Variants in CALN1 observed in about 807,000 individuals in gnomAD.
CALN1 encodes calneuron 1.
In CALN1, 17 loss-of-function variants were observed where a neutral mutation model predicts 30.6. The ratio of observed to expected loss-of-function variants is 0.56; its 90% confidence interval spans 0.38 to 0.83. The LOEUF (loss-of-function observed/expected upper bound fraction) is 0.83. CALN1 is among the 40% of genes least tolerant of loss of function. The pLI is 0.00. For missense variants in CALN1, 291 were observed against 354.9 expected (o/e 0.82, Z 1.45); for synonymous variants, 156 against 131.4 (o/e 1.19, Z -1.28).
chr7:71,885,190 C>T (rs750924636), intron 5 of CALN1, among the ~76,000 whole-genome samples: 113 of 152,290 alleles, frequency 7.4e-4, no homozygotes, highest in South Asian at 1.9e-3. Context: ...CTTGCTCTGT[C>T]GCCCAGGCTG....
intron 4 of CALN1, among the ~76,000 whole-genome samples, chr7:72,037,308 C>T (rs999073864): frequency 1.8e-4 from 27 of 152,034 alleles, no homozygotes; most frequent in African/African-American, 6.0e-4. Context: ...CTGCTACCAC[C>T]GCAGCTAATT....
At chr7:72,076,352 A>G (rs1469087929) in intron 4 of CALN1, among the ~76,000 whole-genome samples, 1 of 151,374 alleles carries the variant, frequency 6.6e-6, no homozygotes, top group Non-Finnish European at 1.5e-5. Context: ...TAATCTCAGC[A>G]CTTTGGGAGG....
At chr7:72,139,792 T>C (rs1039622156) in intron 3 of CALN1, among the ~76,000 whole-genome samples, 3 of 152,198 alleles carry the variant, frequency 2.0e-5, no homozygotes, top group African/African-American at 7.2e-5. Flanking sequence ...TGGCTGTATT[T>C]GGAGCAGGCC....
At chr7:72,314,374 CACATATATACACATATAT>C (rs1554365677) in intron 2 of CALN1, among the ~76,000 whole-genome samples, 1 of 39,968 alleles carries the variant, frequency 2.5e-5, no homozygotes, top group South Asian at 1.2e-3. Context: ...TACATATATA[CACATATATACACATATAT>C]ATACACATAT....
rs192990503 is a variant in CALN1 at position 72,369,323 on chromosome 7, T to C, written c.119+33928A>G. 1.3e-3 allele frequency among the ~76,000 whole-genome samples: 175 copies of C among 136,998 alleles called. 1 individual carries two copies. The highest frequency in any genetic ancestry group is 4.2e-3 in the African/African-American group (167 of 39,512). 89.9% of individuals were successfully genotyped at this position (136,998 alleles called of 152,430 possible). ...TTTATATATTTATAAATATTTATAATATATATAATTTATAAATATTATAAA... is the reference window on the plus strand; with the variant it reads ...TTTATATATTTATAAATATTTATAACATATATAATTTATAAATATTATAAA... On this transcript the variant is annotated intron_variant, in intron 2 of 6. Coordinates refer to ENST00000395275, the MANE Select transcript of CALN1 (RefSeq NM_031468.4).
chr7:72,377,912 A>G (rs574140534), intron 2 of CALN1, among the ~76,000 whole-genome samples: 1 of 152,234 alleles, frequency 6.6e-6, no homozygotes, highest in African/African-American at 2.4e-5. Context: ...TCTGGGAATG[A>G]GTGTTAACTT....
intron 3 of CALN1, among the ~76,000 whole-genome samples, chr7:72,240,118 G>A (rs1379658702): frequency 5.9e-5 from 9 of 152,098 alleles, no homozygotes; most frequent in Non-Finnish European, 1.0e-4. Context: ...GAGACTCCAG[G>A]AGTGTGGGGG....
chr7:71,972,011 G>GAAAA, intron 5 of CALN1, among the ~76,000 whole-genome samples: 2 of 135,836 alleles, frequency 1.5e-5, no homozygotes, highest in Non-Finnish European at 1.6e-5. Context: ...AAGAAAAAAA[G>GAAAA]AAAGAAAAGA....
intron 5 of CALN1, among the ~76,000 whole-genome samples, chr7:72,007,100 A>G (rs1393899519): frequency 2.6e-5 from 4 of 152,140 alleles, no homozygotes; most frequent in Non-Finnish European, 5.9e-5. Context: ...CAAATCCCCA[A>G]TTTTTAAAAT....
rs1320355803 is a variant in CALN1 at position 72,156,066 on chromosome 7, T to C, written c.245-49772A>G. ...CATAGAAGGTAACATATTCAGAGGTTCCAAGGTTAGGACATGAACATCTTT... is the reference window on the plus strand; with the variant it reads ...CATAGAAGGTAACATATTCAGAGGTCCCAAGGTTAGGACATGAACATCTTT... On this transcript the variant is annotated intron_variant, in intron 3 of 6. Transcript: ENST00000395275. 2.6e-5 allele frequency among the ~76,000 whole-genome samples: 4 copies of C among 152,140 alleles called. No individual in the cohort carries two copies. In the East Asian group the frequency reaches 7.7e-4, roughly 29 times the overall value.
At chr7:72,501,962 TATATAA>T in the CALN1 span, among the ~76,000 whole-genome samples, 2,096 of 116,020 alleles carry the variant, frequency 0.018, 103 homozygotes, top group Non-Finnish European at 0.024. Flanking sequence ...CACATATATA[TATATAA>T]ATATATATAC....
chr7:71,947,179 T>G (rs1796448648), intron 5 of CALN1, among the ~76,000 whole-genome samples: 1 of 151,960 alleles, frequency 6.6e-6, no homozygotes. Context: ...CCTGGCTAAT[T>G]TTTGTATTTT....
chr7:71,977,386 G>A (rs1798151350), intron 5 of CALN1, among the ~76,000 whole-genome samples: 1 of 152,152 alleles, frequency 6.6e-6, no homozygotes, highest in African/African-American at 2.4e-5. Context: ...AGTGAGCTTT[G>A]ATGGCACCAC....
At chr7:72,031,536 G>C (rs1801435933) in intron 4 of CALN1, among the ~76,000 whole-genome samples, 1 of 152,072 alleles carries the variant, frequency 6.6e-6, no homozygotes, top group Non-Finnish European at 1.5e-5. Context: ...GCTACCATGA[G>C]GCAGAGTGGG....
At chr7:72,304,273 C>G (rs1025654444) in intron 2 of CALN1, among the ~76,000 whole-genome samples, 2 of 152,214 alleles carry the variant, frequency 1.3e-5, no homozygotes, top group Non-Finnish European at 2.9e-5. Context: ...GGGAAAGACT[C>G]CACGTTCTTC....
At chr7:72,234,368 G>T (rs1794333272) in intron 3 of CALN1, among the ~76,000 whole-genome samples, 1 of 152,126 alleles carries the variant, frequency 6.6e-6, no homozygotes, top group South Asian at 2.1e-4. Flanking sequence ...CATTAGTTAG[G>T]GTGGCCTCTG....
At chr7:72,392,528 G>C (rs1805640737) in intron 2 of CALN1, among the ~76,000 whole-genome samples, 1 of 152,170 alleles carries the variant, frequency 6.6e-6, no homozygotes, top group East Asian at 1.9e-4. Flanking sequence ...TGTCTCTCCA[G>C]TTCCCTTTGC....
chr7:72,208,970 TCCTTC>T (rs1263423127), intron 3 of CALN1, among the ~76,000 whole-genome samples: 3 of 151,402 alleles, frequency 2.0e-5, no homozygotes, highest in Admixed American at 6.6e-5. Flanking sequence ...TCCCTCCCTT[TCCTTC>T]CTTTTCCTAC....
At chr7:71,854,435 T>G (rs1366683261) in intron 5 of CALN1, among the ~76,000 whole-genome samples, 1 of 151,948 alleles carries the variant, frequency 6.6e-6, no homozygotes, top group Admixed American at 6.6e-5. Context: ...ACAAAAGAGA[T>G]ATCAATGAAA....
Sources: allele counts gnomAD v4.1 joint callset (sites outside exome capture counted in the v4.1 genomes callset), GRCh38; gene constraint gnomAD v4.1.1; transcripts MANE v1.5; gene names NCBI Gene and HGNC (gene_info 2026-07-23, HGNC 2026-07-21).